Variants in BMPR2 observed in about 807,000 individuals in gnomAD.
BMPR2 encodes the protein bone morphogenetic protein receptor type-2.
A neutral mutation model predicts 100.8 loss-of-function variants in BMPR2; 29 were observed. The observed-to-expected ratio is 0.29, with a 90% confidence interval of 0.21 to 0.39. BMPR2 has a LOEUF of 0.39. Ranked by LOEUF, BMPR2 falls within the 10% of genes least tolerant of loss-of-function variation. The pLI, the probability that BMPR2 is intolerant of heterozygous loss-of-function variation, is 1.00. For missense variants in BMPR2, 1,011 were observed against 1,274.5 expected, an observed-to-expected ratio of 0.79 and a Z score of 3.15; for synonymous variants, 382 against 442.3, an observed-to-expected ratio of 0.86 and a Z score of 1.71.
intron 1 of BMPR2, among the ~76,000 whole-genome samples, chr2:202,394,283 G>A (rs915378022): frequency 2.6e-5 from 4 of 151,862 alleles, no homozygotes; most frequent in Non-Finnish European, 5.9e-5. Context: ...CCCGGAAGGC[G>A]GAGGTTGCAG....
rs1188914085 is a variant in BMPR2 at position 202,560,767 on chromosome 2, T to A, written c.*821T>A. 1.3e-5 allele frequency: 2 copies of A among 152,620 alleles called. No homozygotes were observed. The highest frequency in any genetic ancestry group is 4.8e-5 in the African/African-American group (2 of 41,458). The allele number at this position is 152,620 out of a possible 1,614,324, so 9.5% of individuals were successfully genotyped here. ...TTCAAGGCATCTTAATAAACTTATT[T>A]GCTTCTGGTTTTGGGAGTTCATAAG... On this transcript the variant is annotated 3_prime_UTR_variant, in exon 13 of 13. Transcript: ENST00000374580.
intron 10 of BMPR2, among the ~76,000 whole-genome samples, chr2:202,549,733 C>G (rs1468369031): frequency 7.8e-6 from 1 of 127,464 alleles, no homozygotes; most frequent in South Asian, 2.5e-4. Context: ...GGCGACAGAG[C>G]AAGACTCTGT....
chr2:202,403,105 G>T (rs1035195682), intron 1 of BMPR2, among the ~76,000 whole-genome samples: 1 of 151,980 alleles, frequency 6.6e-6, no homozygotes, highest in African/African-American at 2.4e-5. Context: ...CGGGATTACA[G>T]GCATGAGCCA....
In BMPR2 at chr2:202,448,025, T is replaced by C. The variant is rs545047426; in HGVS notation, c.77-16784T>C. Among the ~76,000 whole-genome samples the C allele has an allele frequency of 6.6e-5, 10 of 150,644 alleles. 2 individuals are homozygous for C. The highest frequency in any genetic ancestry group is 2.1e-4 in the South Asian group (1 of 4,824). On this transcript the variant is annotated intron_variant, in intron 1 of 12. Coordinates refer to ENST00000374580, the MANE Select transcript of BMPR2 (RefSeq NM_001204.7). ...TATTTGTTTATGGGTTTATGACTTA[T>C]ATTTACACCATTAGAATATAACACC... is the stretch of plus-strand genomic sequence containing the variant.
At chr2:202,458,310 G>T (rs1268376411) in intron 1 of BMPR2, among the ~76,000 whole-genome samples, 1 of 90,600 alleles carries the variant, frequency 1.1e-5, no homozygotes, top group African/African-American at 3.9e-5. Flanking sequence ...AAAAAAAAAC[G>T]CACACAAAAA....
Position 202,532,493 on chromosome 2 carries a change from T to C in BMPR2, c.1129-92T>C. On this transcript the variant is annotated intron_variant, in intron 8 of 12. Coordinates refer to ENST00000374580, the MANE Select transcript of BMPR2 (RefSeq NM_001204.7). The surrounding 1 kb of genome is among the most constrained non-coding windows in gnomAD (Gnocchi z 4.1). ...TGGTTAGGGTCAAATAACATTGACA[T>C]GACTAAGATTTATATATAACTTCTG... 1 of 1,455,950 alleles carries C rather than the reference T, an allele frequency of 6.9e-7. No homozygotes were observed. The highest frequency in any genetic ancestry group is 9.5e-7 in the Non-Finnish European group (1 of 1,049,872). The allele number at this position is 1,455,950 out of a possible 1,614,324, so 90.2% of individuals were successfully genotyped here. A position where few individuals can be genotyped will look rare whatever the true frequency, so the allele number is the denominator to read the frequency against.
intron 6 of BMPR2, among the ~76,000 whole-genome samples, chr2:202,519,422 A>T (rs1304557019): frequency 6.6e-6 from 1 of 152,196 alleles, no homozygotes; most frequent in Non-Finnish European, 1.5e-5. Context: ...TTCAGAGAGG[A>T]CCACTGTATT....
intron 8 of BMPR2, among the ~76,000 whole-genome samples, chr2:202,531,561 A>G (rs116010344): frequency 0.012 from 1,813 of 152,238 alleles, 16 homozygotes; most frequent in Middle Eastern, 0.02. Context: ...ATCCTTCCCA[A>G]CTTTGTTCTC....
In BMPR2 at chr2:202,378,797, A is replaced by G. The variant is rs571609202; in HGVS notation, c.76+1247A>G. On this transcript the variant is annotated intron_variant, in intron 1 of 12. Coordinates refer to ENST00000374580, the MANE Select transcript of BMPR2 (RefSeq NM_001204.7). ...AAATGATTTTTCTCTAAATTTCTTT[A>G]TATTGTGTTAGCTATTTAAATTCTC... Among the ~76,000 whole-genome samples the G allele has an allele frequency of 5.9e-5, 9 of 152,204 alleles. No individual in the cohort carries two copies. The South Asian group carries it at 1.9e-3, about 32-fold the overall frequency.
At chr2:202,519,576 AT>A (rs1687784612) in intron 6 of BMPR2, among the ~76,000 whole-genome samples, 1 of 151,934 alleles carries the variant, frequency 6.6e-6, no homozygotes, top group South Asian at 2.1e-4. Context: ...TCTTTATTTA[AT>A]TTTTTGATAA....
In BMPR2 at chr2:202,526,835, A is replaced by G. The variant is rs567846621; in HGVS notation, c.968-3959A>G. ...AAAAACTAAGTACATAGATGCTGCT[A>G]TTGCATATAAATATAGTAGCTATTT... is the stretch of plus-strand genomic sequence containing the variant. On this transcript the variant is annotated intron_variant, in intron 7 of 12. Transcript: ENST00000374580. Among the ~76,000 whole-genome samples the G allele has an allele frequency of 1.2e-4, 19 of 152,348 alleles. No homozygotes were observed. In the South Asian group the frequency reaches 3.3e-3, roughly 27 times the overall value.
intron 7 of BMPR2, among the ~76,000 whole-genome samples, chr2:202,524,732 G>T (rs1401174872): frequency 6.6e-6 from 1 of 152,168 alleles, no homozygotes; most frequent in African/African-American, 2.4e-5. Flanking sequence ...AGCAGACCAA[G>T]ACTGTGTCTG....
intron 3 of BMPR2, chr2:202,505,163 A>T (rs1687494347): frequency 6.5e-6 from 1 of 153,478 alleles, no homozygotes; most frequent in African/African-American, 2.4e-5. Context: ...TGTACTCTAG[A>T]TGTGCCAATC....
chr2:202,540,704 C>A (rs984015642), intron 9 of BMPR2, among the ~76,000 whole-genome samples: 1 of 152,112 alleles, frequency 6.6e-6, no homozygotes, highest in African/African-American at 2.4e-5. Flanking sequence ...TTTGTATTAT[C>A]TCCATGTAAG....
Position 202,532,052 on chromosome 2 carries a change from G to A in BMPR2, c.1129-533G>A, listed in dbSNP as rs1302790998. Among the ~76,000 whole-genome samples the A allele has an allele frequency of 7.2e-6, 1 of 138,990 alleles. No homozygotes were observed. Among genetic ancestry groups the A allele is most frequent in the Non-Finnish European group, 1.5e-5 (1 of 66,324 alleles). The allele number at this position is 138,990 out of a possible 152,430, so 91.2% of individuals were successfully genotyped here. On this transcript the variant is annotated intron_variant, in intron 8 of 12. Transcript: ENST00000374580. This position sits in a 1 kb window ranked among gnomAD's most constrained non-coding sequence, Gnocchi z 4.1. ...TCTCCCGGGTTCACGCTATTTTCCT[G>A]CCTCGGCCTCCTGAGTAGCTGGGAC...
At chr2:202,546,969 A>T (rs990442911) in intron 10 of BMPR2, among the ~76,000 whole-genome samples, 1 of 151,504 alleles carries the variant, frequency 6.6e-6, no homozygotes, top group South Asian at 2.1e-4. Context: ...GAGACAGGGT[A>T]GTTGCCAAGA....
At chr2:202,544,087 A>G (rs1251810123) in intron 10 of BMPR2, among the ~76,000 whole-genome samples, 1 of 152,138 alleles carries the variant, frequency 6.6e-6, no homozygotes, top group Non-Finnish European at 1.5e-5. Flanking sequence ...GGTTGCAGCG[A>G]GGCGAGATCG....
chr2:202,461,640 A>C (rs549003196), intron 1 of BMPR2, among the ~76,000 whole-genome samples: 1 of 152,328 alleles, frequency 6.6e-6, no homozygotes, highest in Non-Finnish European at 1.5e-5. Context: ...TGACCTGTGC[A>C]AACAGTTTTG....
chr2:202,414,525 C>T (rs1261431159), intron 1 of BMPR2, among the ~76,000 whole-genome samples: 1 of 152,200 alleles, frequency 6.6e-6, no homozygotes, highest in African/African-American at 2.4e-5. Flanking sequence ...AGGCTGAAAG[C>T]TAGGCCTTTT....
Sources: allele counts gnomAD v4.1 joint callset (sites outside exome capture counted in the v4.1 genomes callset), GRCh38; gene constraint gnomAD v4.1.1; non-coding constraint Gnocchi (gnomAD v3.1); transcripts MANE v1.5; gene names NCBI Gene and HGNC (gene_info 2026-07-23, HGNC 2026-07-21).